The following NXPH2 variants were observed in gnomAD, a reference collection of about 807,000 sequenced individuals.
The protein encoded by NXPH2 is neurexophilin 2.
Under a neutral mutation model 19.8 loss-of-function variants are expected in NXPH2, and 5 were observed. The ratio of observed to expected loss-of-function variants is 0.25; its 90% confidence interval spans 0.13 to 0.53. The LOEUF (loss-of-function observed/expected upper bound fraction) is 0.53, where lower values mean the gene tolerates loss of function less well. NXPH2 is among the 20% of genes least tolerant of loss of function. The pLI, the probability that NXPH2 is intolerant of heterozygous loss-of-function variation, is 0.96. For missense variants in NXPH2, 289 were observed against 322.8 expected (o/e 0.90, Z 0.80); for synonymous variants, 154 against 127.4 (o/e 1.21, Z -1.41).
rs1681267699 is a variant in NXPH2 at position 138,720,763 on chromosome 2, G to T, written c.52-49098C>A. 2.6e-5 allele frequency among the ~76,000 whole-genome samples: 4 copies of T among 152,206 alleles called. No individual in the cohort carries two copies. In the South Asian group the frequency reaches 8.3e-4, roughly 32 times the overall value. On this transcript the variant is annotated intron_variant, in intron 1 of 1. Coordinates refer to ENST00000272641, the MANE Select transcript of NXPH2 (RefSeq NM_007226.3). ...CCCATTTTCTAGTTATAGGATCTTG[G>T]GGTCTCTGAGCTTCAGTTCCTTTAT...
intron 1 of NXPH2, among the ~76,000 whole-genome samples, chr2:138,762,531 T>G (rs1345022324): frequency 2.0e-5 from 3 of 152,194 alleles, no homozygotes; most frequent in Admixed American, 6.5e-5. Flanking sequence ...GCTTAATGAC[T>G]TGGTCACATG....
At chr2:138,690,053 C>A (rs7594562) in intron 1 of NXPH2, among the ~76,000 whole-genome samples, 1 of 152,028 alleles carries the variant, frequency 6.6e-6, no homozygotes, top group Admixed American at 6.6e-5. Context: ...CTGTCCCTTA[C>A]GCGATAATAA....
chr2:138,748,680 G>T (rs1681779602), intron 1 of NXPH2, among the ~76,000 whole-genome samples: 1 of 151,822 alleles, frequency 6.6e-6, no homozygotes, highest in Admixed American at 6.6e-5. Context: ...ATTACAGAAA[G>T]AAGAAATTGT....
rs140840152 is a variant in NXPH2 at position 138,692,329 on chromosome 2, G to A, written c.52-20664C>T. ...ATATGAAGGTCATGTTTATACCAGC[G>A]AAACATCAATGCTTGTTTATCATCA... is the stretch of plus-strand genomic sequence containing the variant. On this transcript the variant is annotated intron_variant, in intron 1 of 1. Coordinates refer to ENST00000272641, the MANE Select transcript of NXPH2 (RefSeq NM_007226.3). 1.2e-4 allele frequency among the ~76,000 whole-genome samples: 18 copies of A among 152,222 alleles called. No individual in the cohort carries two copies. In the East Asian group the frequency reaches 2.9e-3, roughly 24 times the overall value.
At chr2:138,706,019 A>C (rs553427465) in intron 1 of NXPH2, among the ~76,000 whole-genome samples, 1 of 152,348 alleles carries the variant, frequency 6.6e-6, no homozygotes, top group South Asian at 2.1e-4. Context: ...TTACAATGTG[A>C]GAAGGATGCA....
At chr2:138,705,177 T>C (rs1399239313) in intron 1 of NXPH2, among the ~76,000 whole-genome samples, 1 of 152,086 alleles carries the variant, frequency 6.6e-6, no homozygotes, top group Non-Finnish European at 1.5e-5. Context: ...TTGCTCAGGC[T>C]GGTCTCCAAC....
intron 1 of NXPH2, among the ~76,000 whole-genome samples, chr2:138,722,094 GTC>G (rs951100729): frequency 6.6e-6 from 1 of 152,198 alleles, no homozygotes. Flanking sequence ...ATCTGTTAGT[GTC>G]TCTCTCATGA....
chr2:138,709,112 G>C (rs1442337553), intron 1 of NXPH2, among the ~76,000 whole-genome samples: 1 of 152,046 alleles, frequency 6.6e-6, no homozygotes, highest in Non-Finnish European at 1.5e-5. Flanking sequence ...AATCAACGAG[G>C]AAGCTATTTA....
chr2:138,750,632 G>A (rs1681815430), intron 1 of NXPH2, among the ~76,000 whole-genome samples: 1 of 152,160 alleles, frequency 6.6e-6, no homozygotes, highest in African/African-American at 2.4e-5. Flanking sequence ...ACACAAAGGT[G>A]AATAAGACCC....
chr2:138,745,754 C>T (rs141262126), intron 1 of NXPH2, among the ~76,000 whole-genome samples: 2,714 of 152,026 alleles, frequency 0.018, 36 homozygotes, highest in Middle Eastern at 0.038. Flanking sequence ...ATGCCAGGCA[C>T]ATCTATCCAA....
intron 1 of NXPH2, among the ~76,000 whole-genome samples, chr2:138,742,344 G>A (rs186977191): frequency 6.6e-6 from 1 of 151,588 alleles, no homozygotes; most frequent in African/African-American, 2.4e-5. Context: ...ATAAAGTGAG[G>A]CCTTTTTAAC....
chr2:138,779,635 G>A (rs146984308), intron 1 of NXPH2, among the ~76,000 whole-genome samples: 287 of 152,188 alleles, frequency 1.9e-3, no homozygotes, highest in Non-Finnish European at 2.8e-3. Context: ...AGCGCCAGAC[G>A]GAAAACGAAG....
chr2:138,708,933 C>A (rs989831776), intron 1 of NXPH2, among the ~76,000 whole-genome samples: 3 of 152,186 alleles, frequency 2.0e-5, no homozygotes, highest in African/African-American at 7.2e-5. Context: ...ACACACAAAC[C>A]AGTCTGAAAC....
intron 1 of NXPH2, among the ~76,000 whole-genome samples, chr2:138,683,077 T>G (rs137860974): frequency 9.5e-4 from 144 of 152,322 alleles, no homozygotes; most frequent in Non-Finnish European, 1.7e-3. Flanking sequence ...TGGAAGGGGC[T>G]GCTAAATATG....
chr2:138,772,475 T>G (rs1049779455), intron 1 of NXPH2, among the ~76,000 whole-genome samples: 2 of 152,140 alleles, frequency 1.3e-5, no homozygotes, highest in African/African-American at 4.8e-5. Context: ...TTTGTATTTT[T>G]TAGTAGAGAC....
chr2:138,739,279 G>A (rs540443090), intron 1 of NXPH2, among the ~76,000 whole-genome samples: 219 of 152,278 alleles, frequency 1.4e-3, no homozygotes, highest in African/African-American at 5.0e-3. Flanking sequence ...GAAAGAGAAC[G>A]AGGGCCACAG....
At chr2:138,691,341 G>C (rs1209151068) in intron 1 of NXPH2, among the ~76,000 whole-genome samples, 1 of 152,112 alleles carries the variant, frequency 6.6e-6, no homozygotes, top group African/African-American at 2.4e-5. Flanking sequence ...TATCACTATA[G>C]GGAGTTAAGT....
chr2:138,679,699 C>T (rs1272175757), intron 1 of NXPH2, among the ~76,000 whole-genome samples: 3 of 151,780 alleles, frequency 2.0e-5, no homozygotes, highest in Admixed American at 6.6e-5. Flanking sequence ...TGCGCCGGGC[C>T]GAGGCCTGAA....
chr2:138,754,411 G>T (rs1040235801), intron 1 of NXPH2, among the ~76,000 whole-genome samples: 1 of 152,114 alleles, frequency 6.6e-6, no homozygotes, highest in Non-Finnish European at 1.5e-5. Flanking sequence ...ACCTTTTCCA[G>T]AATGTCACAT....
Sources: gnomAD v4.1 joint callset for allele counts (sites outside exome capture counted in the v4.1 genomes callset) on GRCh38, gnomAD v4.1.1 for gene constraint, MANE v1.5 for transcripts, NCBI Gene and HGNC (gene_info 2026-07-23, HGNC 2026-07-21) for gene names.